The following DNAH1 variants were observed in gnomAD, a reference collection of about 807,000 sequenced individuals.
DNAH1 encodes the protein axonemal beta dynein heavy chain 1.
Under a neutral mutation model 484.3 loss-of-function variants are expected in DNAH1, and 327 were observed. The ratio of observed to expected loss-of-function variants is 0.68; its 90% CI spans 0.62 to 0.74. The LOEUF is 0.74. Among genes scored for constraint, DNAH1 ranks in the 30% least tolerant of loss-of-function variants. The pLI is 0.00. For missense variants in DNAH1, 5,052 were observed against 5,546.8 expected (o/e 0.91, Z 2.83); for synonymous variants, 2,192 against 2,191.9 (o/e 1.00, Z 0.00).
At chr3:52,324,923 C>T (rs921858702) in intron 3 of DNAH1, among the ~76,000 whole-genome samples, 4 of 151,952 alleles carry the variant, frequency 2.6e-5, no homozygotes, top group African/African-American at 7.3e-5. Context: ...CTCTGCTGCC[C>T]GAGGGCTGGG....
chr3:52,354,058 G>C (rs190215187), intron 20 of DNAH1, among the ~76,000 whole-genome samples: 2 of 152,090 alleles, frequency 1.3e-5, no homozygotes, highest in African/African-American at 4.8e-5. Flanking sequence ...GCCAGGCATG[G>C]TGGCACATGC....
At position 52,382,442 on chromosome 3, in the gene DNAH1, T is replaced by C; in HGVS notation, c.7928T>C (p.Phe2643Ser). ...GLQNLPITFL[F>S]SDTQIKNESF... is the part of the protein sequence containing the mutation. Reference sequence around the variant, plus strand: ...CAGAACCTACCCATCACCTTCCTCTTCTCAGACACCCAGGTGCCACTGCCA... The same window carrying C: ...CAGAACCTACCCATCACCTTCCTCTCCTCAGACACCCAGGTGCCACTGCCA... The change falls in exon 50 of 78, where the codon TTC becomes TCC. Residue 2643 changes from phenylalanine to serine, a missense_variant. Transcript: ENST00000420323. The C allele has an allele frequency of 6.2e-7, 1 of 1,613,790 alleles. No homozygotes were observed. Among genetic ancestry groups the C allele is most frequent in the Non-Finnish European group, 8.5e-7 (1 of 1,179,730 alleles).
Position 52,392,848 on chromosome 3 carries a change from G to A in DNAH1, c.10297G>A (p.Glu3433Lys). ...CCCACAGGCCAAAGTCAGGATTGCA[G>A]AGCAGACGGAGAAGGACATCGACCT... ...AEIQAKVRIA[E>K]QTEKDIDLTR... The change falls in exon 65 of 78, where the codon GAG becomes AAG. Residue 3433 changes from glutamate to lysine, a missense_variant. Physicochemically the swap from Glu to Lys is moderately conservative, Grantham distance 56. Transcript: ENST00000420323. The A allele has an allele frequency of 6.3e-7, 1 of 1,591,368 alleles. No individual in the cohort carries two copies. Among genetic ancestry groups the A allele is most frequent in the Non-Finnish European group, 8.6e-7 (1 of 1,169,228 alleles).
At chr3:52,363,764 CT>C (rs1380454789) in intron 32 of DNAH1, among the ~76,000 whole-genome samples, 1 of 152,232 alleles carries the variant, frequency 6.6e-6, no homozygotes, top group Non-Finnish European at 1.5e-5. Context: ...AATGGGCCTT[CT>C]CTGGGTCACC....
At chr3:52,393,523 G>A in intron 66 of DNAH1, 38 bp downstream of exon 66, 1 of 1,608,494 alleles carries the variant, frequency 6.2e-7, no homozygotes, top group East Asian at 2.2e-5. Context: ...TGCCTGAGGG[G>A]TGGCCCTGTG....
intron 20 of DNAH1, 124 bp from the exon 21 acceptor site, chr3:52,354,719 T>A: frequency 1.2e-6 from 1 of 832,940 alleles, no homozygotes; most frequent in Admixed American, 2.4e-5. Context: ...CCGAGAGTAT[T>A]TGCCAGAGCG....
At chr3:52,388,389 G>C in intron 57 of DNAH1, 29 bp from the exon 58 acceptor site, 13 of 1,603,264 alleles carry the variant, frequency 8.1e-6, no homozygotes, top group Non-Finnish European at 1.1e-5. Context: ...GGTACTTGGC[G>C]AGCTAATCCT....
chr3:52,362,307 C>T lies in DNAH1; in HGVS notation c.4981-81C>T. ...GCTACAGCCAGGACAGGGGCATCAA[C>T]AGGGGACAAGGGGCCCACTCAGAGG... is the stretch of plus-strand genomic sequence containing the variant. On this transcript the variant is annotated intron_variant, in intron 30 of 77. Transcript: ENST00000420323. The surrounding 1 kb of genome is among the most constrained non-coding windows in gnomAD (Gnocchi z 5.1). 8.4e-7 allele frequency: 1 copy of T among 1,197,244 alleles called. No individual in the cohort carries two copies. The highest frequency in any genetic ancestry group is 2.5e-5 in the East Asian group (1 of 40,096). The allele number at this position is 1,197,244 out of a possible 1,614,324, so 74.2% of individuals were successfully genotyped here.
intron 44 of DNAH1, chr3:52,374,048 G>A: frequency 9.9e-7 from 1 of 1,012,144 alleles, no homozygotes; most frequent in Non-Finnish European, 1.6e-6. Context: ...TCAGAAGTTT[G>A]TATTGCAGCT....
intron 63 of DNAH1, 35 bp from the exon 64 acceptor site, chr3:52,392,429 G>A (rs747600201): frequency 6.3e-7 from 1 of 1,592,430 alleles, no homozygotes; most frequent in East Asian, 2.2e-5. Flanking sequence ...GGGCCCACCA[G>A]GTATTACAGA....
intron 46 of DNAH1, among the ~76,000 whole-genome samples, chr3:52,377,818 C>T (rs548004284): frequency 1.3e-5 from 2 of 152,196 alleles, no homozygotes; most frequent in South Asian, 4.2e-4. Context: ...CCAACTCTGG[C>T]CCTCCCCGGA....
chr3:52,331,658 T>G (rs930915586), intron 7 of DNAH1, among the ~76,000 whole-genome samples: 18 of 143,706 alleles, frequency 1.3e-4, no homozygotes, highest in Non-Finnish European at 2.6e-4. Context: ...GGAGTCTGGC[T>G]CTGTCACCCA....
intron 46 of DNAH1, among the ~76,000 whole-genome samples, chr3:52,378,166 C>T (rs1165624190): frequency 6.6e-6 from 1 of 152,012 alleles, no homozygotes; most frequent in Non-Finnish European, 1.5e-5. Context: ...GTGGTAAGCC[C>T]TCAAGGTCGG....
At chr3:52,398,379 T>C (rs901395610) in intron 75 of DNAH1, among the ~76,000 whole-genome samples, 5 of 152,182 alleles carry the variant, frequency 3.3e-5, no homozygotes, top group African/African-American at 1.2e-4. Context: ...CCTCCCGGGT[T>C]CAAGCGATTC....
At chr3:52,340,226 G>A (rs1203439035) in intron 8 of DNAH1, among the ~76,000 whole-genome samples, 1 of 151,934 alleles carries the variant, frequency 6.6e-6, no homozygotes, top group Non-Finnish European at 1.5e-5. Context: ...GGGACTACAG[G>A]CATGTGCCAC....
intron 46 of DNAH1, among the ~76,000 whole-genome samples, chr3:52,377,334 G>A (rs1003463330): frequency 2.6e-5 from 4 of 151,938 alleles, no homozygotes; most frequent in South Asian, 2.1e-4. Flanking sequence ...CTGTCAGGAG[G>A]TCCCATAGGT....
At position 52,381,695 on chromosome 3, in the gene DNAH1, A is replaced by G. The variant is rs758974464; in HGVS notation, c.7664A>G (p.Lys2555Arg). Reference sequence around the variant, plus strand: ...GACTACAACCAGATCAACACGGCCAAGCTGAAGCTGGTCCTCTTCATGGAC... The same window carrying G: ...GACTACAACCAGATCAACACGGCCAGGCTGAAGCTGGTCCTCTTCATGGAC... ...IEDYNQINTAKLKLVLFMDAM... is the reference protein window; with the variant it reads ...IEDYNQINTARLKLVLFMDAM... The change falls in exon 49 of 78, where the codon AAG becomes AGG. Residue 2555 changes from lysine to arginine, a missense_variant. This residue lies in a region of DNAH1 where 2,929 missense variants were observed against 3,409.4 expected (regional missense o/e 0.86). Transcript: ENST00000420323. The surrounding 1 kb of genome is among the most constrained non-coding windows in gnomAD (Gnocchi z 4.1). 1.2e-6 allele frequency: 2 copies of G among 1,608,050 alleles called. No homozygotes were observed. Among genetic ancestry groups the G allele is most frequent in the Non-Finnish European group, 1.7e-6 (2 of 1,177,660 alleles).
intron 38 of DNAH1, 42 bp from the exon 39 acceptor site, chr3:52,370,068 T>C (rs1232841089): frequency 1.9e-5 from 31 of 1,613,634 alleles, no homozygotes; most frequent in Non-Finnish European, 2.6e-5. Context: ...AGCAGGGCAC[T>C]GTGGCTGCCA....
At chr3:52,322,235 G>A (rs556970677) in intron 1 of DNAH1, among the ~76,000 whole-genome samples, 174 bp from the exon 2 acceptor site, 49 of 152,084 alleles carry the variant, frequency 3.2e-4, no homozygotes, top group East Asian at 9.7e-4. Flanking sequence ...GGTGGGACTC[G>A]GGGTACTGTA....
Sources: allele counts gnomAD v4.1 joint callset (sites outside exome capture counted in the v4.1 genomes callset), GRCh38; gene constraint gnomAD v4.1.1; regional missense constraint gnomAD v4.1.1; non-coding constraint Gnocchi (gnomAD v3.1); transcripts MANE v1.5; gene names NCBI Gene and HGNC (gene_info 2026-07-23, HGNC 2026-07-21).